The following DNAJC6 variants were observed in gnomAD, a reference collection of about 807,000 sequenced individuals.
DNAJC6 encodes DnaJ heat shock protein family (Hsp40) member C6.
Under a neutral mutation model 110.0 loss-of-function variants are expected in DNAJC6, and 34 were observed. The ratio of observed to expected loss-of-function variants is 0.31; its 90% CI spans 0.24 to 0.41. The LOEUF (loss-of-function observed/expected upper bound fraction) is 0.41. DNAJC6 is among the 10% of genes least tolerant of loss of function. The pLI is 1.00. For synonymous variants in DNAJC6, 406 were observed against 437.2 expected (o/e 0.93, Z 0.89); for missense variants, 1,031 against 1,207.8 (o/e 0.85, Z 2.17).
At chr1:65,404,405 T>G (rs192204602) in intron 15 of DNAJC6, among the ~76,000 whole-genome samples, 82 of 152,354 alleles carry the variant, frequency 5.4e-4, no homozygotes, top group African/African-American at 1.9e-3. Flanking sequence ...ATGAAGAAAC[T>G]CAGGCTCAAA....
At chr1:65,292,358 G>A (rs976734319) in intron 1 of DNAJC6, among the ~76,000 whole-genome samples, 2 of 146,152 alleles carry the variant, frequency 1.4e-5, no homozygotes, top group Middle Eastern at 3.5e-3. Context: ...TGAATATTAC[G>A]CTTTTCATTG....
chr1:65,397,935 T>A (rs541834333), intron 13 of DNAJC6, among the ~76,000 whole-genome samples: 1 of 152,284 alleles, frequency 6.6e-6, no homozygotes, highest in African/African-American at 2.4e-5. Flanking sequence ...TGTGTGCGTG[T>A]GTGTGTGTTT....
chr1:65,394,860 C>T, intron 12 of DNAJC6, 38 bp from the exon 13 acceptor site: 1 of 1,545,050 alleles, frequency 6.5e-7, no homozygotes. Flanking sequence ...TGAATGAACT[C>T]ATGGGACAAA....
chr1:65,266,617 A>G (rs568531208), intron 1 of DNAJC6, among the ~76,000 whole-genome samples: 2 of 152,266 alleles, frequency 1.3e-5, no homozygotes, highest in East Asian at 3.9e-4. Context: ...AAATCAAAGT[A>G]TTTTAAAATT....
chr1:65,379,702 A>G (rs1418436244), intron 5 of DNAJC6, 178 bp downstream of exon 5: 1 of 916,562 alleles, frequency 1.1e-6, no homozygotes, highest in African/African-American at 1.7e-5. Flanking sequence ...CTTGACTTAA[A>G]GCTTGACTAC....
chr1:65,371,511 A>G (rs573322312), intron 4 of DNAJC6, among the ~76,000 whole-genome samples: 1 of 152,198 alleles, frequency 6.6e-6, no homozygotes, highest in Non-Finnish European at 1.5e-5. Context: ...ACAATAAGTG[A>G]TTGACTGAAT....
chr1:65,347,383 G>C (rs955701260), intron 1 of DNAJC6, among the ~76,000 whole-genome samples: 7 of 151,376 alleles, frequency 4.6e-5, no homozygotes, highest in Non-Finnish European at 8.8e-5. Context: ...ACAAGGCCCC[G>C]TCTGGTTTTA....
chr1:65,340,163 C>A (rs1645375614), intron 1 of DNAJC6, among the ~76,000 whole-genome samples: 1 of 152,152 alleles, frequency 6.6e-6, no homozygotes, highest in Non-Finnish European at 1.5e-5. Context: ...GTTGGTTAAC[C>A]TTATGGGTCA....
At chr1:65,340,810 T>G (rs1286540663) in intron 1 of DNAJC6, among the ~76,000 whole-genome samples, 1 of 152,194 alleles carries the variant, frequency 6.6e-6, no homozygotes, top group Non-Finnish European at 1.5e-5. Context: ...CATAGGGCTG[T>G]GGCTGTGTTA....
At chr1:65,389,742 C>G in intron 11 of DNAJC6, 115 bp downstream of exon 11, 1 of 1,144,622 alleles carries the variant, frequency 8.7e-7, no homozygotes, top group Non-Finnish European at 1.3e-6. Flanking sequence ...TCATTCAATC[C>G]AGGCACACGG....
intron 1 of DNAJC6, among the ~76,000 whole-genome samples, chr1:65,274,002 C>G (rs1420225242): frequency 6.6e-6 from 1 of 152,122 alleles, no homozygotes; most frequent in African/African-American, 2.4e-5. Context: ...AGGTGCGGAT[C>G]TTCTGTATCC....
intron 1 of DNAJC6, among the ~76,000 whole-genome samples, chr1:65,321,717 T>C (rs1645198998): frequency 6.6e-6 from 1 of 152,174 alleles, no homozygotes. Flanking sequence ...CAAAATGTTT[T>C]TGAGAGAAGG....
chr1:65,292,206 CG>C (rs1350173522), intron 1 of DNAJC6, among the ~76,000 whole-genome samples: 3 of 151,670 alleles, frequency 2.0e-5, no homozygotes, highest in Admixed American at 2.0e-4. Flanking sequence ...TTAGTAGAGA[CG>C]GGGTTTCACC....
intron 1 of DNAJC6, among the ~76,000 whole-genome samples, chr1:65,273,619 C>CTA (rs1367766503): frequency 6.6e-6 from 1 of 151,986 alleles, no homozygotes; most frequent in Non-Finnish European, 1.5e-5. Flanking sequence ...ATCCCTTAAG[C>CTA]TATATATATA....
At chr1:65,306,011 G>A (rs1645033663), upstream of DNAJC6, among the ~76,000 whole-genome samples, 1 of 151,580 alleles carries the variant, frequency 6.6e-6, no homozygotes, top group African/African-American at 2.4e-5. Flanking sequence ...GAGAGGTTAA[G>A]TAACTTGCCC....
intron 1 of DNAJC6, among the ~76,000 whole-genome samples, chr1:65,352,034 A>G (rs541920442): frequency 6.6e-6 from 1 of 152,232 alleles, no homozygotes; most frequent in South Asian, 2.1e-4. Flanking sequence ...CCAAAGTGCT[A>G]GGATTACAGG....
chr1:65,308,334 G>C (rs9436708), upstream of DNAJC6, among the ~76,000 whole-genome samples: 608 of 152,226 alleles, frequency 4.0e-3, 2 homozygotes, highest in African/African-American at 0.014. Context: ...GACTCTTGAC[G>C]GGCGCCTCAC....
At chr1:65,276,534 T>C (rs1408891240) in intron 1 of DNAJC6, among the ~76,000 whole-genome samples, 2 of 152,192 alleles carry the variant, frequency 1.3e-5, no homozygotes, top group African/African-American at 4.8e-5. Flanking sequence ...CTGGTTCTCC[T>C]AATCCCAGGC....
chr1:65,364,934 T>G, intron 2 of DNAJC6, 149 bp downstream of exon 2: 1 of 1,137,724 alleles, frequency 8.8e-7, no homozygotes, highest in African/African-American at 1.6e-5. Flanking sequence ...ATTGAAGACA[T>G]AAAGTTAAGT....
Sources: allele counts gnomAD v4.1 joint callset (sites outside exome capture counted in the v4.1 genomes callset), GRCh38; gene constraint gnomAD v4.1.1; transcripts MANE v1.5; gene names NCBI Gene and HGNC (gene_info 2026-07-23, HGNC 2026-07-21).